Variants in RORA observed in about 807,000 individuals in gnomAD.
RORA encodes RAR related orphan receptor A.
RORA carries 7 observed loss-of-function variants against 69.5 expected under a neutral mutation model. The observed-to-expected ratio is 0.10, with a 90% CI of 0.06 to 0.19. RORA has a LOEUF of 0.19. Ranked by LOEUF, RORA falls within the 10% of genes least tolerant of loss-of-function variation. The pLI is 1.00. For missense variants in RORA, 457 were observed against 663.0 expected, an observed-to-expected ratio of 0.69 and a Z score of 3.41; for synonymous variants, 261 against 240.8, an observed-to-expected ratio of 1.08 and a Z score of -0.78.
chr15:60,945,738 G>A (rs1892850926), intron 1 of RORA, among the ~76,000 whole-genome samples: 1 of 152,186 alleles, frequency 6.6e-6, no homozygotes, highest in Non-Finnish European at 1.5e-5. Flanking sequence ...ACTCACAATG[G>A]TACATATGCT....
intron 1 of RORA, among the ~76,000 whole-genome samples, chr15:61,057,405 C>T (rs1158464163): frequency 1.3e-5 from 2 of 152,160 alleles, no homozygotes; most frequent in East Asian, 1.9e-4. Flanking sequence ...ATCTTTCTGC[C>T]AGCATTTCTG....
intron 1 of RORA, among the ~76,000 whole-genome samples, chr15:60,809,725 ATGCTATTCACCAATGGGGCATG>A (rs578056737): frequency 1.3e-4 from 20 of 151,910 alleles, no homozygotes; most frequent in African/African-American, 4.6e-4. Flanking sequence ...GACAATGTAA[ATGCTATTCACCAATGGGGCATG>A]TTATATACAA....
At chr15:60,652,460 CA>C (rs1364011453) in intron 2 of RORA, among the ~76,000 whole-genome samples, 1 of 152,092 alleles carries the variant, frequency 6.6e-6, no homozygotes, top group African/African-American at 2.4e-5. Flanking sequence ...AGGTTTTGCG[CA>C]TAAGCCGGAT....
intron 2 of RORA, among the ~76,000 whole-genome samples, chr15:60,576,652 C>T (rs1042609384): frequency 6.6e-6 from 1 of 152,234 alleles, no homozygotes; most frequent in Non-Finnish European, 1.5e-5. Flanking sequence ...AGGGCTTAGC[C>T]TCCTTGTCAC....
chr15:60,763,170 C>G (rs1367200837), intron 1 of RORA, among the ~76,000 whole-genome samples: 1 of 136,458 alleles, frequency 7.3e-6, no homozygotes, highest in Admixed American at 8.1e-5. Flanking sequence ...GATATTTTCC[C>G]AAAACGTTCT....
intron 1 of RORA, among the ~76,000 whole-genome samples, chr15:61,137,590 G>GGGCCGTTCCTA (rs2079257865): frequency 6.6e-6 from 1 of 152,118 alleles, no homozygotes; most frequent in Admixed American, 6.5e-5. Flanking sequence ...CCACTGTGCT[G>GGGCCGTTCCTA]GGCCGTTCCT....
At position 60,488,528 on chromosome 15, in the gene RORA, CAAT is replaced by C. The variant is rs1323878972; in HGVS notation, c.*8924_*8926del. The C allele has an allele frequency of 6.6e-6, 1 of 151,176 alleles. No homozygotes were observed. Among genetic ancestry groups the C allele is most frequent in the Admixed American group, 6.6e-5 (1 of 15,196 alleles). The allele number at this position is 151,176 out of a possible 1,614,324, so 9.4% of individuals were successfully genotyped here. ...ATATTTTTTTTTTAAATTCAGGACT[CAAT>C]AAAATAAACAGCTGGAAATAAGCAG... On this transcript the variant is annotated 3_prime_UTR_variant, in exon 11 of 11. Transcript: ENST00000335670.
intron 1 of RORA, among the ~76,000 whole-genome samples, chr15:60,985,415 C>T (rs541657898): frequency 4.3e-4 from 65 of 152,180 alleles, no homozygotes; most frequent in Admixed American, 6.5e-4. Context: ...AAATTCGTTT[C>T]GCCCTGAGAG....
chr15:61,130,649 T>C (rs2079182655), intron 1 of RORA, among the ~76,000 whole-genome samples: 1 of 152,198 alleles, frequency 6.6e-6, no homozygotes, highest in Non-Finnish European at 1.5e-5. Flanking sequence ...TATCTAGATA[T>C]AAGGTCACTT....
At chr15:60,648,253 A>G (rs1239275072) in intron 2 of RORA, among the ~76,000 whole-genome samples, 1 of 152,242 alleles carries the variant, frequency 6.6e-6, no homozygotes, top group Admixed American at 6.5e-5. Context: ...ATATGAACAT[A>G]TTAAAGAAGG....
chr15:60,510,009 A>G (rs1046578577), intron 5 of RORA, among the ~76,000 whole-genome samples: 2 of 152,214 alleles, frequency 1.3e-5, no homozygotes, highest in East Asian at 3.8e-4. Flanking sequence ...CTATTTGGAG[A>G]AAGATTTTAC....
At chr15:60,728,292 A>T (rs1211530589) in intron 1 of RORA, among the ~76,000 whole-genome samples, 1 of 152,168 alleles carries the variant, frequency 6.6e-6, no homozygotes, top group Non-Finnish European at 1.5e-5. Context: ...TAACCAAGAG[A>T]CAAATATTCT....
chr15:60,546,181 G>GA (rs1232764187), intron 2 of RORA: 1 of 152,210 alleles, frequency 6.6e-6, no homozygotes, highest in African/African-American at 2.4e-5. Flanking sequence ...TGGGGAGCAA[G>GA]AAGGGATTAT....
chr15:60,753,204 G>A (rs1333047609), intron 1 of RORA, among the ~76,000 whole-genome samples: 3 of 152,184 alleles, frequency 2.0e-5, no homozygotes, highest in East Asian at 1.9e-4. Context: ...AGTCCTACTC[G>A]CAGTTTAGTT....
intron 1 of RORA, among the ~76,000 whole-genome samples, chr15:61,000,533 G>A (rs535491329): frequency 7.2e-5 from 11 of 152,310 alleles, no homozygotes; most frequent in Middle Eastern, 3.4e-3. Context: ...AGAGCAGGGA[G>A]AGGTGGTGTC....
chr15:60,850,906 G>T (rs183745671), intron 1 of RORA, among the ~76,000 whole-genome samples: 1 of 152,182 alleles, frequency 6.6e-6, no homozygotes, highest in African/African-American at 2.4e-5. Context: ...ACGAAAACAA[G>T]ACTGCTTTCT....
At chr15:60,676,018 C>T (rs915351369) in intron 2 of RORA, among the ~76,000 whole-genome samples, 13 of 151,996 alleles carry the variant, frequency 8.6e-5, no homozygotes, top group Admixed American at 1.3e-4. Context: ...AGTTTTGAGA[C>T]GGTACAAAAA....
rs1392408167 is a variant in RORA at position 61,008,338 on chromosome 15, T to C, written c.166+220715A>G. 3.3e-5 allele frequency among the ~76,000 whole-genome samples: 5 copies of C among 151,868 alleles called. No homozygotes were observed. In the East Asian group the frequency reaches 9.7e-4, roughly 29 times the overall value. On this transcript the variant is annotated intron_variant, in intron 1 of 10. Coordinates refer to ENST00000335670, the MANE Select transcript of RORA (RefSeq NM_134261.3). ...GGACCCAAGAATTTACTTTATTGGG[T>C]TTAAGGGGGCTAATGAAAATATTTG...
chr15:61,103,970 G>C (rs1308385039), intron 1 of RORA, among the ~76,000 whole-genome samples: 1 of 152,176 alleles, frequency 6.6e-6, no homozygotes, highest in Non-Finnish European at 1.5e-5. Flanking sequence ...TGGCCAATTT[G>C]TTTAATTTCC....
Sources: gnomAD v4.1 joint callset for allele counts (sites outside exome capture counted in the v4.1 genomes callset) on GRCh38, gnomAD v4.1.1 for gene constraint, MANE v1.5 for transcripts, NCBI Gene and HGNC (gene_info 2026-07-23, HGNC 2026-07-21) for gene names.